The following RARB variants were observed in gnomAD, a reference collection of about 807,000 sequenced individuals.
RARB encodes HBV-activated protein.
In RARB, 17 loss-of-function variants were observed where a neutral mutation model predicts 51.9. That is an observed-to-expected ratio of 0.33 (90% CI 0.22 to 0.49). The LOEUF (loss-of-function observed/expected upper bound fraction) is 0.49, where lower values mean the gene tolerates loss of function less well. RARB is among the 20% of genes least tolerant of loss of function. The pLI is 0.99. For missense variants in RARB, 369 were observed against 550.8 expected, an observed-to-expected ratio of 0.67 and a Z score of 3.30; for synonymous variants, 215 against 195.4, an observed-to-expected ratio of 1.10 and a Z score of -0.84.
chr3:25,209,221 C>T (rs73147386), intron 5 of RARB, among the ~76,000 whole-genome samples: 1,973 of 152,276 alleles, frequency 0.013, 50 homozygotes, highest in African/African-American at 0.045. Context: ...GTGACTGAGT[C>T]AGGTTAGTCA....
intron 1 of RARB, among the ~76,000 whole-genome samples, chr3:25,439,326 T>C (rs752700753): frequency 1.3e-5 from 2 of 152,224 alleles, no homozygotes; most frequent in African/African-American, 2.4e-5. Context: ...ACCATTACCA[T>C]TTAGTGAAAC....
intron 5 of RARB, among the ~76,000 whole-genome samples, chr3:25,280,676 G>A (rs1703501080): frequency 6.6e-6 from 1 of 152,162 alleles, no homozygotes; most frequent in Non-Finnish European, 1.5e-5. Context: ...CTTCAAATTA[G>A]GATCCAGGTC....
chr3:24,832,653 T>TATATATATATA (rs1169669449), intron 1 of RARB, among the ~76,000 whole-genome samples: 1 of 63,402 alleles, frequency 1.6e-5, no homozygotes, highest in African/African-American at 1.0e-4. Flanking sequence ...ATATATATAA[T>TATATATATATA]GTCAATTAAA....
At chr3:25,343,708 C>T (rs1705301410) in intron 5 of RARB, among the ~76,000 whole-genome samples, 1 of 152,080 alleles carries the variant, frequency 6.6e-6, no homozygotes, top group Non-Finnish European at 1.5e-5. Flanking sequence ...TGGTTTGTTA[C>T]TCTTCAAGTC....
In RARB at chr3:25,198,678, A is replaced by T. The variant is rs376356407; in HGVS notation, c.178+24103A>T. Among the ~76,000 whole-genome samples the T allele has an allele frequency of 2.0e-5, 3 of 152,236 alleles. No homozygotes were observed. In the South Asian group the frequency reaches 6.2e-4, roughly 32 times the overall value. On this transcript the variant is annotated intron_variant, in intron 5 of 11. Transcript: ENST00000383772. ...GAAGACATACAAATTGCGAACAGGT[A>T]TATGGAAAGGTGGCCAACCTTACTG...
intron 2 of RARB, among the ~76,000 whole-genome samples, chr3:24,904,470 T>G (rs1006696674): frequency 2.0e-5 from 3 of 152,216 alleles, no homozygotes; most frequent in African/African-American, 7.2e-5. Flanking sequence ...AGATACCATC[T>G]GACACCAGTT....
At chr3:25,208,028 G>A (rs1302143400) in intron 5 of RARB, among the ~76,000 whole-genome samples, 2 of 150,632 alleles carry the variant, frequency 1.3e-5, no homozygotes, top group Non-Finnish European at 3.0e-5. Flanking sequence ...GCAAGGGGGG[G>A]AGCAAATTGG....
intron 1 of RARB, among the ~76,000 whole-genome samples, chr3:25,456,880 GA>G (rs1694949068): frequency 6.6e-6 from 1 of 151,556 alleles, no homozygotes; most frequent in Non-Finnish European, 1.5e-5. Context: ...AAAAACAGTA[GA>G]AAGAACCAAT....
At chr3:25,096,564 C>T (rs1699295389) in intron 3 of RARB, among the ~76,000 whole-genome samples, 1 of 152,086 alleles carries the variant, frequency 6.6e-6, no homozygotes, top group African/African-American at 2.4e-5. Context: ...ACTTTTTTGA[C>T]TCTGACATCA....
chr3:25,433,699 T>C (rs577282758), intron 1 of RARB, among the ~76,000 whole-genome samples: 13 of 152,226 alleles, frequency 8.5e-5, no homozygotes, highest in African/African-American at 3.1e-4. Flanking sequence ...TCTTGTTAAA[T>C]AGGAGATGAG....
chr3:25,431,839 C>T (rs1708222555), intron 1 of RARB, among the ~76,000 whole-genome samples: 1 of 152,088 alleles, frequency 6.6e-6, no homozygotes, highest in Admixed American at 6.5e-5. Context: ...TGAGAAAAGG[C>T]CTCTTTTCAA....
intron 5 of RARB, among the ~76,000 whole-genome samples, chr3:25,310,806 A>C (rs572060385): frequency 9.2e-5 from 14 of 152,174 alleles, no homozygotes; most frequent in Non-Finnish European, 1.9e-4. Flanking sequence ...CATGTACAGC[A>C]CTTCCTCAGG....
chr3:25,025,816 A>G (rs1439189255), intron 2 of RARB, among the ~76,000 whole-genome samples: 2 of 152,202 alleles, frequency 1.3e-5, no homozygotes, highest in Non-Finnish European at 2.9e-5. Flanking sequence ...TCTATGGCCC[A>G]TATAAATCCC....
chr3:25,316,758 C>T (rs77989420), intron 5 of RARB, among the ~76,000 whole-genome samples: 3 of 152,100 alleles, frequency 2.0e-5, no homozygotes, highest in Admixed American at 6.6e-5. Context: ...ATGACAATGA[C>T]GAGATTTTCT....
intron 3 of RARB, among the ~76,000 whole-genome samples, chr3:25,110,985 G>T (rs1699591413): frequency 6.6e-6 from 1 of 152,132 alleles, no homozygotes; most frequent in African/African-American, 2.4e-5. Context: ...GAGTTTGACG[G>T]AAAGAAGAAC....
At chr3:25,526,738 A>AT (rs1450944440) in intron 3 of RARB, among the ~76,000 whole-genome samples, 15 of 152,206 alleles carry the variant, frequency 9.9e-5, no homozygotes, top group African/African-American at 3.6e-4. Context: ...TTCCAATGCA[A>AT]TTCTGGCAGG....
intron 2 of RARB, among the ~76,000 whole-genome samples, chr3:25,463,707 C>A (rs1229422174): frequency 6.6e-6 from 1 of 151,884 alleles, no homozygotes; most frequent in Non-Finnish European, 1.5e-5. Context: ...TCACTCAGCC[C>A]CTCAAAGTAA....
intron 2 of RARB, among the ~76,000 whole-genome samples, chr3:24,889,791 G>T (rs542291732): frequency 2.3e-4 from 34 of 149,782 alleles, no homozygotes; most frequent in Non-Finnish European, 4.4e-4. Flanking sequence ...TTTATACTTT[G>T]AAATGTGGTC....
chr3:25,337,897 G>A, intron 5 of RARB, among the ~76,000 whole-genome samples: 1 of 152,008 alleles, frequency 6.6e-6, no homozygotes, highest in Non-Finnish European at 1.5e-5. Flanking sequence ...ATATTTGTTG[G>A]ATTAATAAAT....
Sources: allele counts gnomAD v4.1 joint callset (sites outside exome capture counted in the v4.1 genomes callset), GRCh38; gene constraint gnomAD v4.1.1; transcripts MANE v1.5; gene names NCBI Gene and HGNC (gene_info 2026-07-23, HGNC 2026-07-21).